Variants in IRAG2 observed in about 807,000 individuals in gnomAD.
IRAG2 encodes inositol 1,4,5-triphosphate receptor associated 2.
A neutral mutation model predicts 69.9 loss-of-function variants in IRAG2; 45 were observed. That is an observed-to-expected ratio of 0.64 (90% confidence interval 0.51 to 0.83). The LOEUF is 0.83. IRAG2 is among the 40% of genes least tolerant of loss of function. IRAG2 has a pLI of 0.00. For missense variants in IRAG2, 520 were observed against 587.0 expected (o/e 0.89, Z 1.18); for synonymous variants, 193 against 202.4 (o/e 0.95, Z 0.40).
chr12:25,100,498 G>C (rs1948693007), intron 15 of IRAG2, among the ~76,000 whole-genome samples: 1 of 152,210 alleles, frequency 6.6e-6, no homozygotes, highest in Admixed American at 6.5e-5. Context: ...AATGTCATTA[G>C]TTATAGGACT....
intron 6 of IRAG2, among the ~76,000 whole-genome samples, chr12:25,076,140 C>T (rs1290742323): frequency 6.6e-6 from 1 of 152,066 alleles, no homozygotes; most frequent in Non-Finnish European, 1.5e-5. Context: ...TGTCATTAGA[C>T]CAAACTTGTG....
At chr12:25,082,026 T>C (rs1208500951) in intron 9 of IRAG2, among the ~76,000 whole-genome samples, 1 of 152,068 alleles carries the variant, frequency 6.6e-6, no homozygotes, top group Non-Finnish European at 1.5e-5. Context: ...TCCTCAGTAG[T>C]TGGGACTACG....
chr12:25,089,563 T>C, intron 11 of IRAG2, 51 bp from the exon 12 acceptor site: 1 of 1,129,224 alleles, frequency 8.9e-7, no homozygotes, highest in South Asian at 1.4e-5. Context: ...CAAATGTGCT[T>C]TTACAGGTCA....
At chr12:25,060,254 A>C (rs920831571) in intron 1 of IRAG2, among the ~76,000 whole-genome samples, 3 of 152,156 alleles carry the variant, frequency 2.0e-5, no homozygotes, top group African/African-American at 7.2e-5. Flanking sequence ...GTTGTTCAAA[A>C]GATTTGGGTT....
chr12:25,056,721 T>C (rs1379332436), intron 1 of IRAG2, among the ~76,000 whole-genome samples: 1 of 152,176 alleles, frequency 6.6e-6, no homozygotes, highest in East Asian at 1.9e-4. Context: ...AGTATAGAAA[T>C]TATGTTGTTT....
intron 1 of IRAG2, among the ~76,000 whole-genome samples, chr12:25,056,102 A>G (rs859124): frequency 0.95 from 144,156 of 152,246 alleles, 68,683 homozygotes; most frequent in East Asian, 1. Flanking sequence ...TCACCTAGAT[A>G]ATATCACTGC....
intron 9 of IRAG2, among the ~76,000 whole-genome samples, chr12:25,028,116 G>A (rs1944638797): frequency 6.6e-6 from 1 of 152,046 alleles, no homozygotes; most frequent in Admixed American, 6.6e-5. Context: ...GTAAAGATGG[G>A]ATTTCACCAT....
intron 8 of IRAG2, among the ~76,000 whole-genome samples, chr12:25,024,805 T>G (rs1440379739): frequency 6.6e-6 from 1 of 152,234 alleles, no homozygotes; most frequent in African/African-American, 2.4e-5. Flanking sequence ...GATTTACAAT[T>G]AAACTACTAA....
At chr12:25,023,985 G>C (rs2139839146) in intron 8 of IRAG2, 1 of 920,748 alleles carries the variant, frequency 1.1e-6, no homozygotes, top group African/African-American at 1.7e-5. Context: ...GTGGTTTATG[G>C]CTGTGGGTTA....
In IRAG2 at chr12:25,054,173, T is replaced by C. The variant is rs892609002; in HGVS notation, c.-447+1217T>C. ...CTTTATTGAATTTGCCAGTTTTCAA[T>C]ATTCTGATTCACTCTGTTAAGCTAG... On this transcript the variant is annotated intron_variant, in intron 1 of 21. Transcript: ENST00000556887. Among the ~76,000 whole-genome samples, 8 of 152,368 alleles carry C rather than the reference T, an allele frequency of 5.3e-5. 1 individual carries two copies. In the South Asian group the frequency reaches 1.0e-3, roughly 20 times the overall value.
intron 12 of IRAG2, among the ~76,000 whole-genome samples, chr12:25,033,127 T>G (rs1258487106): frequency 1.3e-5 from 2 of 152,000 alleles, no homozygotes; most frequent in Non-Finnish European, 2.9e-5. Flanking sequence ...TGGCTAATTT[T>G]TGTATTTTTA....
chr12:25,089,784 G>T lies in IRAG2; in HGVS notation c.459G>T (p.Glu153Asp), dbSNP rs746154671. The change falls in exon 13 of 22, where the codon GAG (glutamate) becomes GAT (aspartate). Residue 153 changes from glutamate (E) to aspartate (D), a missense_variant. Coordinates refer to ENST00000556887, the MANE Select transcript of IRAG2 (RefSeq NM_001366544.2). ...QSENTSANEK[E>D]VEAEFLRLSL... The stretch of plus-strand genomic sequence containing the variant: ...ACAGCACTTCTGCTAATGAGAAGGA[G>T]GTGGAGGTGAGTTTAAAGCAAATTT... The T allele has an allele frequency of 6.2e-7, 1 of 1,613,172 alleles. No homozygotes were observed. Among genetic ancestry groups the T allele is most frequent in the Admixed American group, 1.7e-5 (1 of 60,018 alleles).
intron 10 of IRAG2, among the ~76,000 whole-genome samples, chr12:25,087,731 G>C (rs1486175836): frequency 2.0e-5 from 3 of 152,102 alleles, no homozygotes; most frequent in Non-Finnish European, 2.9e-5. Flanking sequence ...CGCACAGCAG[G>C]AGGTGAGCGG....
intron 11 of IRAG2, among the ~76,000 whole-genome samples, chr12:25,089,278 G>GA (rs1280698004): frequency 6.6e-6 from 1 of 152,150 alleles, no homozygotes; most frequent in Non-Finnish European, 1.5e-5. Flanking sequence ...GAAGAACCAG[G>GA]ATACCAGTAG....
chr12:25,021,006 T>G (rs1034230017), intron 7 of IRAG2: 13 of 507,374 alleles, frequency 2.6e-5, no homozygotes, highest in Non-Finnish European at 3.7e-5. Context: ...GTCAATATCC[T>G]GATGAATGAA....
intron 6 of IRAG2, among the ~76,000 whole-genome samples, chr12:25,075,522 G>A (rs755133367): frequency 6.1e-4 from 15 of 24,450 alleles, no homozygotes; most frequent in African/African-American, 1.6e-3. Context: ...GTGTGTATGC[G>A]TGTGTGTGTG....
chr12:25,004,825 A>C (rs1005943323), exon 1 of IRAG2: 26 of 1,231,988 alleles, frequency 2.1e-5, no homozygotes, highest in Non-Finnish European at 2.5e-5. Context: ...TAGTACCTTA[A>C]CACTTGACTT....
In IRAG2 at chr12:25,042,327, G is replaced by A. The variant is rs1465867049; in HGVS notation, c.2144+4190G>A. Among the ~76,000 whole-genome samples the A allele has an allele frequency of 4.6e-5, 7 of 152,222 alleles. 1 individual carries two copies. In the South Asian group the frequency reaches 6.2e-4, roughly 14 times the overall value. On this transcript the variant is annotated intron_variant, in intron 16 of 38. Transcript: ENST00000636465. ...GAATAGAAATCAAGATTTATCATTC[G>A]AACATGTTGGCAGGGAGAATTGTTG...
At chr12:25,009,975 T>C (rs1944462439) in intron 2 of IRAG2, among the ~76,000 whole-genome samples, 1 of 152,212 alleles carries the variant, frequency 6.6e-6, no homozygotes, top group African/African-American at 2.4e-5. Flanking sequence ...ATTTAAATGT[T>C]AATATCATCC....
Sources: allele counts gnomAD v4.1 joint callset (sites outside exome capture counted in the v4.1 genomes callset), GRCh38; gene constraint gnomAD v4.1.1; transcripts MANE v1.5; gene names NCBI Gene and HGNC (gene_info 2026-07-23, HGNC 2026-07-21).